The following TAFA5 variants were observed in gnomAD, a reference collection of about 807,000 sequenced individuals.
The protein encoded by TAFA5 is TAFA chemokine like family member 5.
In TAFA5, 6 loss-of-function variants were observed where a neutral mutation model predicts 15.3. The ratio of observed to expected loss-of-function variants is 0.39; its 90% CI spans 0.21 to 0.77. TAFA5 has a LOEUF of 0.77. Among genes scored for constraint, TAFA5 ranks in the 30% least tolerant of loss-of-function variants. The pLI is 0.41. For missense variants in TAFA5, 161 were observed against 193.1 expected, an observed-to-expected ratio of 0.83 and a Z score of 0.98; for synonymous variants, 103 against 80.7, an observed-to-expected ratio of 1.28 and a Z score of -1.48.
rs554107087 is a variant in TAFA5 at position 48,561,606 on chromosome 22, G to A, written c.112+71902G>A. Among the ~76,000 whole-genome samples, 12 of 152,328 alleles carry A rather than the reference G, an allele frequency of 7.9e-5. No individual in the cohort carries two copies. In the South Asian group the frequency reaches 2.5e-3, roughly 32 times the overall value. On this transcript the variant is annotated intron_variant, in intron 1 of 3. Transcript: ENST00000402357. ...GCTTCTGGGTTGGCAGGGCTGGAAT[G>A]CTTGGCTTTGTGATGATGACGGTGG...
At chr22:48,511,886 G>A (rs535140013) in intron 1 of TAFA5, among the ~76,000 whole-genome samples, 1 of 152,372 alleles carries the variant, frequency 6.6e-6, no homozygotes, top group East Asian at 1.9e-4. Context: ...AGTCAGGCGG[G>A]CTCCCGGAAA....
chr22:48,722,576 G>A (rs1012860431), intron 3 of TAFA5, among the ~76,000 whole-genome samples: 7 of 152,134 alleles, frequency 4.6e-5, no homozygotes, highest in Non-Finnish European at 8.8e-5. Context: ...GCTAGGGGAG[G>A]GATAGCATCA....
At chr22:48,705,739 A>T (rs1036360945) in intron 2 of TAFA5, among the ~76,000 whole-genome samples, 3 of 152,258 alleles carry the variant, frequency 2.0e-5, no homozygotes, top group African/African-American at 7.2e-5. Context: ...TTGCATAGCC[A>T]TGAAGCCAGC....
At chr22:48,536,293 G>A (rs994241246) in intron 1 of TAFA5, among the ~76,000 whole-genome samples, 1 of 152,230 alleles carries the variant, frequency 6.6e-6, no homozygotes, top group Non-Finnish European at 1.5e-5. Flanking sequence ...CAACATAGAG[G>A]GAGAATTGTC....
chr22:48,575,303 G>A (rs943019279), intron 1 of TAFA5, among the ~76,000 whole-genome samples: 2 of 151,422 alleles, frequency 1.3e-5, no homozygotes, highest in African/African-American at 2.4e-5. Context: ...CCGCCGGCGC[G>A]CCAGGCGGGG....
intron 1 of TAFA5, among the ~76,000 whole-genome samples, chr22:48,587,294 C>CG (rs1219382245): frequency 6.6e-6 from 1 of 152,136 alleles, no homozygotes; most frequent in African/African-American, 2.4e-5. Context: ...TCACGGGCCT[C>CG]GGGGTGGGCA....
In TAFA5 at chr22:48,550,493, A is replaced by G. The variant is rs1017409902; in HGVS notation, c.112+60789A>G. Among the ~76,000 whole-genome samples the G allele has an allele frequency of 6.6e-6, 1 of 152,196 alleles. No homozygotes were observed. Among genetic ancestry groups the G allele is most frequent in the Admixed American group, 6.5e-5 (1 of 15,282 alleles). ...ACCAGATGTGAGGGCTTTGACCCCC[A>G]CGGAGCCAGGTGCCCCTGGGAAATG... On this transcript the variant is annotated intron_variant, in intron 1 of 3. Coordinates refer to ENST00000402357, the MANE Select transcript of TAFA5 (RefSeq NM_001082967.3). The surrounding 1 kb of genome is among the most constrained non-coding windows in gnomAD (Gnocchi z 4.1).
At chr22:48,494,459 A>G (rs980372173) in intron 1 of TAFA5, among the ~76,000 whole-genome samples, 1 of 152,204 alleles carries the variant, frequency 6.6e-6, no homozygotes, top group Admixed American at 6.5e-5. Flanking sequence ...CGGAGTGAGC[A>G]CTGGGGTGTG....
intron 1 of TAFA5, among the ~76,000 whole-genome samples, chr22:48,608,007 C>T (rs1484185931): frequency 8.1e-6 from 1 of 123,266 alleles, no homozygotes; most frequent in African/African-American, 3.2e-5. Flanking sequence ...GCCTGGGGAA[C>T]GTGGAGGGAA....
At chr22:48,627,631 G>A (rs907826285) in intron 1 of TAFA5, among the ~76,000 whole-genome samples, 3 of 152,242 alleles carry the variant, frequency 2.0e-5, no homozygotes, top group Non-Finnish European at 2.9e-5. Flanking sequence ...AGCCTCTGTC[G>A]TGGGAGGCCC....
chr22:48,708,908 G>A lies in TAFA5; in HGVS notation c.390+1064G>A, dbSNP rs77906006. ...AGAGAGGGCTCGGCTGGGCTGTTCC[G>A]GCACTTGGTTCAAGAGGCCAATTTG... On this transcript the variant is annotated intron_variant, in intron 3 of 3. Coordinates refer to ENST00000402357, the MANE Select transcript of TAFA5 (RefSeq NM_001082967.3). Among the ~76,000 whole-genome samples the A allele has an allele frequency of 7.3e-3, 1,112 of 152,296 alleles. 6 individuals are homozygous for A. Among genetic ancestry groups the A allele is most frequent in the Non-Finnish European group, 9.6e-3 (656 of 68,028 alleles).
At chr22:48,700,991 C>T (rs1928888353) in intron 2 of TAFA5, among the ~76,000 whole-genome samples, 1 of 152,186 alleles carries the variant, frequency 6.6e-6, no homozygotes, top group Non-Finnish European at 1.5e-5. Flanking sequence ...CAAGTTCAGG[C>T]TGGGGAGGAG....
intron 2 of TAFA5, among the ~76,000 whole-genome samples, chr22:48,650,191 G>T (rs1927002967): frequency 6.6e-6 from 1 of 152,196 alleles, no homozygotes; most frequent in Middle Eastern, 3.2e-3. Flanking sequence ...AATTGAATGT[G>T]AGTAGGGTTG....
At chr22:48,516,667 GT>G (rs1950054277) in intron 1 of TAFA5, among the ~76,000 whole-genome samples, 1 of 152,188 alleles carries the variant, frequency 6.6e-6, no homozygotes, top group Admixed American at 6.5e-5. Flanking sequence ...CTGGGCTCGG[GT>G]CATGTGGCTC....
chr22:48,630,145 C>A (rs1250856400), intron 1 of TAFA5, among the ~76,000 whole-genome samples: 2 of 151,476 alleles, frequency 1.3e-5, no homozygotes, highest in African/African-American at 4.9e-5. Flanking sequence ...GCTCTGCTTG[C>A]AGAACGGGGG....
rs133478 is a variant in TAFA5 at position 48,530,817 on chromosome 22, C to T, written c.112+41113C>T. 0.26 allele frequency among the ~76,000 whole-genome samples: 39,824 copies of T among 152,006 alleles called. 5,475 individuals are homozygous for T. Among genetic ancestry groups the T allele is most frequent in the Middle Eastern group, 0.33 (96 of 294 alleles). On this transcript the variant is annotated intron_variant, in intron 1 of 3. Coordinates refer to ENST00000402357, the MANE Select transcript of TAFA5 (RefSeq NM_001082967.3). This position sits in a 1 kb window ranked among gnomAD's most constrained non-coding sequence, Gnocchi z 6.0. The stretch of plus-strand genomic sequence containing the variant: ...GGAGTGAGGTTTGGGGCAGGAGAGG[C>T]GACCCCAGTGCGTGTGGCTATGGGC...
intron 1 of TAFA5, among the ~76,000 whole-genome samples, chr22:48,591,052 A>G (rs1924549930): frequency 6.6e-6 from 1 of 152,144 alleles, no homozygotes; most frequent in Non-Finnish European, 1.5e-5. Flanking sequence ...GGGTTTCGCC[A>G]TGTTGGCCGG....
At chr22:48,704,190 ACACACACGCG>A (rs1317321792) in intron 2 of TAFA5, among the ~76,000 whole-genome samples, 3 of 54,344 alleles carry the variant, frequency 5.5e-5, no homozygotes, top group Middle Eastern at 0.021. Context: ...CACACCCTCA[ACACACACGCG>A]CACACACACA....
intron 1 of TAFA5, among the ~76,000 whole-genome samples, chr22:48,518,733 C>T (rs927965730): frequency 3.3e-5 from 5 of 152,276 alleles, no homozygotes; most frequent in Non-Finnish European, 5.9e-5. Flanking sequence ...CCTAAGGTCA[C>T]GGTCACGCCC....
Sources: gnomAD v4.1 joint callset for allele counts (sites outside exome capture counted in the v4.1 genomes callset) on GRCh38, gnomAD v4.1.1 for gene constraint, Gnocchi (gnomAD v3.1) non-coding constraint, MANE v1.5 for transcripts, NCBI Gene and HGNC (gene_info 2026-07-23, HGNC 2026-07-21) for gene names.